Variants in CTNNA3 observed in about 807,000 individuals in gnomAD.
CTNNA3 encodes catenin alpha 3.
CTNNA3 carries 76 observed loss-of-function variants against 95.7 expected under a neutral mutation model. The observed-to-expected ratio is 0.79, with a 90% CI of 0.66 to 0.96. CTNNA3 has a LOEUF of 0.96. CTNNA3 is among the 40% of genes least tolerant of loss of function. CTNNA3 has a pLI of 0.00. For synonymous variants in CTNNA3, 431 were observed against 374.4 expected, an observed-to-expected ratio of 1.15 and a Z score of -1.74; for missense variants, 1,191 against 1,089.8, an observed-to-expected ratio of 1.09 and a Z score of -1.31.
chr10:66,478,293 T>A (rs1839395682), intron 11 of CTNNA3, among the ~76,000 whole-genome samples: 2 of 152,006 alleles, frequency 1.3e-5, no homozygotes, highest in South Asian at 2.1e-4. Flanking sequence ...GTGAAGTATA[T>A]CTTTACACTG....
chr10:66,187,500 T>C (rs1589674005), intron 13 of CTNNA3, among the ~76,000 whole-genome samples: 1 of 151,234 alleles, frequency 6.6e-6, no homozygotes, highest in East Asian at 2.0e-4. Context: ...CTAGATGATG[T>C]TGAGCTTCTG....
chr10:66,273,533 C>A (rs773587523), intron 13 of CTNNA3, among the ~76,000 whole-genome samples: 4 of 152,150 alleles, frequency 2.6e-5, no homozygotes, highest in Non-Finnish European at 4.4e-5. Flanking sequence ...AACAAAATGA[C>A]ATGACAGAAT....
chr10:66,135,084 GA>G (rs1326044418), intron 13 of CTNNA3, among the ~76,000 whole-genome samples: 3 of 152,088 alleles, frequency 2.0e-5, no homozygotes, highest in Non-Finnish European at 4.4e-5. Context: ...AAAATGATAA[GA>G]AAATATTCTT....
chr10:66,142,665 T>G (rs1411086548), intron 13 of CTNNA3, among the ~76,000 whole-genome samples: 1 of 152,080 alleles, frequency 6.6e-6, no homozygotes, highest in Admixed American at 6.6e-5. Context: ...TATGACACTG[T>G]GACAGCAATT....
chr10:67,642,515 C>T lies in CTNNA3; in HGVS notation c.99+4900G>A, dbSNP rs576046612. On this transcript the variant is annotated intron_variant, in intron 2 of 17. Coordinates refer to ENST00000433211, the MANE Select transcript of CTNNA3 (RefSeq NM_013266.4). ...GGTGGATCACCTGAGGTCAGGAGTT[C>T]GAGACCAGCCTAGCCAACATGGTGA... is the stretch of plus-strand genomic sequence containing the variant. Among the ~76,000 whole-genome samples, 80 of 152,118 alleles carry T rather than the reference C, an allele frequency of 5.3e-4. 1 individual carries two copies. Among genetic ancestry groups the T allele is most frequent in the African/African-American group, 1.7e-3 (70 of 41,486 alleles).
intron 17 of CTNNA3, among the ~76,000 whole-genome samples, chr10:65,943,713 G>A (rs1013602623): frequency 2.0e-5 from 3 of 152,096 alleles, no homozygotes; most frequent in African/African-American, 4.8e-5. Context: ...AAAGTGTATG[G>A]GTGAGCTTTG....
At chr10:65,965,750 C>A (rs1362091973) in intron 17 of CTNNA3, among the ~76,000 whole-genome samples, 1 of 151,894 alleles carries the variant, frequency 6.6e-6, no homozygotes, top group African/African-American at 2.4e-5. Flanking sequence ...ATTACATCCT[C>A]TTTCAGAACA....
chr10:66,737,153 T>G (rs550984763), intron 9 of CTNNA3, among the ~76,000 whole-genome samples: 2 of 152,032 alleles, frequency 1.3e-5, no homozygotes, highest in Non-Finnish European at 2.9e-5. Flanking sequence ...CTGTGCATGT[T>G]TCATCCCCCA....
intron 10 of CTNNA3, among the ~76,000 whole-genome samples, chr10:66,561,173 G>T (rs984764513): frequency 2.0e-5 from 3 of 152,016 alleles, no homozygotes; most frequent in African/African-American, 7.2e-5. Flanking sequence ...GAGTTTTACA[G>T]GAATTTTATC....
At chr10:66,178,322 GAC>G (rs2085828836) in intron 13 of CTNNA3, among the ~76,000 whole-genome samples, 1 of 146,188 alleles carries the variant, frequency 6.8e-6, no homozygotes, top group Non-Finnish European at 1.5e-5. Flanking sequence ...ATATATTACA[GAC>G]ACATATATAT....
intron 3 of CTNNA3, among the ~76,000 whole-genome samples, chr10:67,544,821 C>T (rs1371495730): frequency 6.6e-6 from 1 of 152,144 alleles, no homozygotes. Context: ...CTGAACATTG[C>T]CCTAGTGCCT....
chr10:66,268,918 C>T (rs1409658949), intron 13 of CTNNA3, among the ~76,000 whole-genome samples: 1 of 152,152 alleles, frequency 6.6e-6, no homozygotes, highest in Non-Finnish European at 1.5e-5. Context: ...TGAGTCACTA[C>T]CTTGTAGAGA....
intron 9 of CTNNA3, among the ~76,000 whole-genome samples, chr10:66,714,296 C>T (rs1848385883): frequency 6.6e-6 from 1 of 152,076 alleles, no homozygotes; most frequent in African/African-American, 2.4e-5. Context: ...TGCACCTTTA[C>T]GCCAATGACT....
At chr10:67,717,914 G>T (rs1841153986) in intron 1 of CTNNA3, among the ~76,000 whole-genome samples, 1 of 152,162 alleles carries the variant, frequency 6.6e-6, no homozygotes, top group Admixed American at 6.5e-5. Flanking sequence ...TGGGCAGTAT[G>T]GCCATTTTCA....
intron 13 of CTNNA3, among the ~76,000 whole-genome samples, chr10:66,226,944 GA>G (rs1327809965): frequency 2.6e-5 from 4 of 152,016 alleles, no homozygotes; most frequent in Non-Finnish European, 5.9e-5. Flanking sequence ...TCAGGTCTAA[GA>G]TTTTTTTTGG....
chr10:67,150,803 C>A (rs1354156025), intron 7 of CTNNA3, among the ~76,000 whole-genome samples: 4 of 152,096 alleles, frequency 2.6e-5, no homozygotes, highest in East Asian at 1.9e-4. Context: ...AGGAGGCCAA[C>A]AACACATCAT....
At chr10:66,783,438 G>A (rs982088803) in intron 7 of CTNNA3, among the ~76,000 whole-genome samples, 4 of 151,934 alleles carry the variant, frequency 2.6e-5, no homozygotes, top group African/African-American at 9.7e-5. Context: ...CTTTTTTACT[G>A]AGTCACCATC....
chr10:67,459,431 A>T (rs936656673), intron 5 of CTNNA3, among the ~76,000 whole-genome samples: 5 of 152,192 alleles, frequency 3.3e-5, no homozygotes, highest in African/African-American at 1.2e-4. Context: ...GTTTTGCAGG[A>T]AAGTGGATAA....
chr10:66,876,448 T>G (rs1466064450), intron 7 of CTNNA3, among the ~76,000 whole-genome samples: 1 of 152,166 alleles, frequency 6.6e-6, no homozygotes, highest in Non-Finnish European at 1.5e-5. Flanking sequence ...TATTTCATTT[T>G]AAAATGCATC....
Sources: gnomAD v4.1 joint callset for allele counts (sites outside exome capture counted in the v4.1 genomes callset) on GRCh38, gnomAD v4.1.1 for gene constraint, MANE v1.5 for transcripts, NCBI Gene and HGNC (gene_info 2026-07-23, HGNC 2026-07-21) for gene names.